The following SOS2 variants were observed in gnomAD, a reference collection of about 807,000 sequenced individuals.
The protein encoded by SOS2 is son of sevenless homolog 2.
A neutral mutation model predicts 148.2 loss-of-function variants in SOS2; 65 were observed. The observed-to-expected ratio is 0.44, with a 90% CI of 0.36 to 0.54. The LOEUF is 0.54. Among genes scored for constraint, SOS2 ranks in the 20% least tolerant of loss-of-function variants. The probability of loss-of-function intolerance (pLI) is 0.00; values close to 1 mark genes in which losing one functional copy is unlikely to be tolerated. For missense variants in SOS2, 1,341 were observed against 1,590.2 expected (o/e 0.84, Z 2.67); for synonymous variants, 539 against 537.1 (o/e 1.00, Z -0.05).
chr14:50,223,171 C>T (rs1241091595), intron 1 of SOS2, among the ~76,000 whole-genome samples: 1 of 152,154 alleles, frequency 6.6e-6, no homozygotes, highest in Non-Finnish European at 1.5e-5. Context: ...ATGTTAACCA[C>T]TACAAAAGAA....
chr14:50,168,287 T>C (rs1352542373), intron 8 of SOS2, among the ~76,000 whole-genome samples: 1 of 152,210 alleles, frequency 6.6e-6, no homozygotes, highest in Admixed American at 6.5e-5. Flanking sequence ...CGTGGTGTGA[T>C]CTCAGTTTAT....
At position 50,150,096 on chromosome 14, in the gene SOS2, G is replaced by C. The variant is rs771378934; in HGVS notation, c.2296C>G (p.Pro766Ala). 1.2e-6 allele frequency: 2 copies of C among 1,613,896 alleles called. No homozygotes were observed. The highest frequency in any genetic ancestry group is 2.2e-5 in the East Asian group (1 of 44,866). The change falls in exon 14 of 23, where the codon CCA becomes GCA. Residue 766 changes from proline to alanine, a missense_variant. By Grantham distance (27) the Pro-to-Ala change is conservative. Coordinates refer to ENST00000216373, the MANE Select transcript of SOS2 (RefSeq NM_006939.4). Reference protein sequence around the residue: ...PPPIEWHISKPGQFETFDLMT... With the variant: ...PPPIEWHISKAGQFETFDLMT... ...AGATCAAATGTTTCAAACTGTCCTG[G>C]TTTGCTGATATGCCATTCAATTGGT...
chr14:50,196,848 A>G (rs1194165261), intron 4 of SOS2, among the ~76,000 whole-genome samples: 1 of 152,098 alleles, frequency 6.6e-6, no homozygotes, highest in Non-Finnish European at 1.5e-5. Context: ...AGGGCTCCTA[A>G]TAACCAAATC....
chr14:50,134,291 A>C (rs747435792), intron 18 of SOS2, 52 bp from the exon 19 acceptor site: 15 of 840,460 alleles, frequency 1.8e-5, no homozygotes, highest in Non-Finnish European at 2.7e-5. Context: ...TATATTTTAG[A>C]TCTTATTAAA....
chr14:50,130,802 A>G lies in SOS2; in HGVS notation c.3076-40T>C, dbSNP rs536865648. The G allele has an allele frequency of 5.8e-6, 9 of 1,554,190 alleles. No homozygotes were observed. The Admixed American group carries it at 1.5e-4, about 27-fold the overall frequency. On this transcript the variant is annotated intron_variant, in intron 19 of 22. Transcript: ENST00000216373. ...CATAATTAATGTCACAAATTTGCATAGACAACAATTTGTTTCTGTGACTTA... is the reference window on the plus strand; with the variant it reads ...CATAATTAATGTCACAAATTTGCATGGACAACAATTTGTTTCTGTGACTTA...
At position 50,212,947 on chromosome 14, in the gene SOS2, C is replaced by T. The variant is rs191921962; in HGVS notation, c.88-8538G>A. Among the ~76,000 whole-genome samples the T allele has an allele frequency of 7.6e-4, 115 of 152,300 alleles. 1 individual carries two copies. The highest frequency in any genetic ancestry group is 6.8e-4 in the Non-Finnish European group (46 of 68,012). On this transcript the variant is annotated intron_variant, in intron 1 of 22. Transcript: ENST00000216373. ...GATACCAGCAATATCAAACGCCATGCTAACGTGACATTCTTAGATAGAATA... is the reference window on the plus strand; with the variant it reads ...GATACCAGCAATATCAAACGCCATGTTAACGTGACATTCTTAGATAGAATA...
intron 21 of SOS2, among the ~76,000 whole-genome samples, 184 bp downstream of exon 21, chr14:50,129,777 T>C (rs1043771554): frequency 1.9e-4 from 29 of 152,192 alleles, no homozygotes; most frequent in African/African-American, 7.0e-4. Context: ...GAACAGATCA[T>C]AAAAAATGAT....
chr14:50,142,301 C>T (rs1312489989), intron 16 of SOS2, among the ~76,000 whole-genome samples: 3 of 152,122 alleles, frequency 2.0e-5, no homozygotes, highest in African/African-American at 7.2e-5. Flanking sequence ...AGCCACTGCC[C>T]CCGGCCTATT....
At chr14:50,143,879 A>C (rs1884377784) in intron 16 of SOS2, among the ~76,000 whole-genome samples, 1 of 145,212 alleles carries the variant, frequency 6.9e-6, no homozygotes, top group Non-Finnish European at 1.5e-5. Flanking sequence ...GGCTGGTCTC[A>C]AACTCCTGGG....
At chr14:50,163,233 TATG>T (rs1828403360) in intron 8 of SOS2, among the ~76,000 whole-genome samples, 1 of 151,430 alleles carries the variant, frequency 6.6e-6, no homozygotes, top group South Asian at 2.1e-4. Flanking sequence ...TATGGGGAAT[TATG>T]ATCACTTCAG....
At position 50,207,012 on chromosome 14, in the gene SOS2, T is replaced by C. The variant is rs79767377; in HGVS notation, c.88-2603A>G. 6.2e-3 allele frequency among the ~76,000 whole-genome samples: 950 copies of C among 152,264 alleles called. 12 individuals carry two copies. Among genetic ancestry groups the C allele is most frequent in the African/African-American group, 0.021 (888 of 41,532 alleles). On this transcript the variant is annotated intron_variant, in intron 1 of 22. Transcript: ENST00000216373. ...GCCTGGCCAGAAAACATATTTTCTA[T>C]GATTTCAATCTTTTGAAATTTGTTG...
At chr14:50,223,152 T>C (rs1200773498) in intron 1 of SOS2, among the ~76,000 whole-genome samples, 2 of 152,252 alleles carry the variant, frequency 1.3e-5, no homozygotes, top group African/African-American at 4.8e-5. Context: ...GGAGTAGCCA[T>C]TTATTGATAT....
rs558313546 is a variant in SOS2 at position 50,134,866 on chromosome 14, G to A, written c.2959-627C>T. On this transcript the variant is annotated intron_variant, in intron 18 of 22. Coordinates refer to ENST00000216373, the MANE Select transcript of SOS2 (RefSeq NM_006939.4). The stretch of plus-strand genomic sequence containing the variant: ...AGGTGGGTGGATCACCTGAGGTCGG[G>A]AGTTTGAGACCAGCCTGACCAACAT... 2.9e-3 allele frequency among the ~76,000 whole-genome samples: 441 copies of A among 151,990 alleles called. 1 individual carries two copies. The highest frequency in any genetic ancestry group is 4.1e-3 in the Non-Finnish European group (279 of 67,986).
Position 50,204,284 on chromosome 14 carries a change from C to A in SOS2, c.213G>T (p.Glu71Asp). 1 of 1,561,028 alleles carries A rather than the reference C, an allele frequency of 6.4e-7. No homozygotes were observed. Among genetic ancestry groups the A allele is most frequent in the Non-Finnish European group, 8.6e-7 (1 of 1,157,726 alleles). ...TTTGAAATGACAAAATAATTTTTAC[C>A]TCTACATCTTGAACAGTCCTTGGCT... ...MAQPRTVQDV[E>D]ERVQKTFPHP... Residue 71 changes from glutamate (E) to aspartate (D), a missense_variant and splice_region_variant, in exon 2 of 23, where the codon GAG (glutamate) becomes GAT (aspartate). This residue lies in a region of SOS2 where 574 missense variants were observed against 711.1 expected (regional missense o/e 0.81). Coordinates refer to ENST00000216373, the MANE Select transcript of SOS2 (RefSeq NM_006939.4).
At chr14:50,229,256 A>G (rs554379340) in intron 1 of SOS2, among the ~76,000 whole-genome samples, 1 of 152,334 alleles carries the variant, frequency 6.6e-6, no homozygotes, top group South Asian at 2.1e-4. Context: ...AAAATTTTCC[A>G]TACGTATGTA....
chr14:50,195,857 C>T (rs1886294033), intron 4 of SOS2, among the ~76,000 whole-genome samples: 2 of 151,844 alleles, frequency 1.3e-5, no homozygotes, highest in East Asian at 1.9e-4. Flanking sequence ...AGTGAAACCC[C>T]GTCTACTAAA....
At chr14:50,219,625 A>G (rs10139509) in intron 1 of SOS2, among the ~76,000 whole-genome samples, 45,422 of 152,068 alleles carry the variant, frequency 0.3, 7,012 homozygotes, top group Admixed American at 0.41. Context: ...CTGTGTATAT[A>G]TAACTTATCA....
At chr14:50,167,956 T>C (rs1885222580) in intron 8 of SOS2, among the ~76,000 whole-genome samples, 1 of 151,948 alleles carries the variant, frequency 6.6e-6, no homozygotes, top group South Asian at 2.1e-4. Context: ...AAGTAAAAGG[T>C]AAAAAAATAT....
intron 19 of SOS2, among the ~76,000 whole-genome samples, chr14:50,131,926 C>T (rs1025960354): frequency 6.6e-6 from 1 of 152,084 alleles, no homozygotes; most frequent in Non-Finnish European, 1.5e-5. Flanking sequence ...ATAGCCAACA[C>T]CACAGATATC....
Sources: allele counts gnomAD v4.1 joint callset (sites outside exome capture counted in the v4.1 genomes callset), GRCh38; gene constraint gnomAD v4.1.1; regional missense constraint gnomAD v4.1.1; transcripts MANE v1.5; gene names NCBI Gene and HGNC (gene_info 2026-07-23, HGNC 2026-07-21).